Variants in RGS20 observed in about 807,000 individuals in gnomAD.
RGS20 encodes the protein regulator of G protein signaling 20.
Under a neutral mutation model 33.6 loss-of-function variants are expected in RGS20, and 30 were observed. The ratio of observed to expected loss-of-function variants is 0.89; its 90% confidence interval spans 0.67 to 1.21. RGS20 has a LOEUF of 1.21. RGS20 is among the 50% of genes most tolerant of loss of function. The pLI is 0.00. For synonymous variants in RGS20, 208 were observed against 197.9 expected, an observed-to-expected ratio of 1.05 and a Z score of -0.43; for missense variants, 472 against 502.4, an observed-to-expected ratio of 0.94 and a Z score of 0.58.
At chr8:53,862,252 T>C (rs966073598) in intron 1 of RGS20, among the ~76,000 whole-genome samples, 2 of 152,048 alleles carry the variant, frequency 1.3e-5, no homozygotes, top group Non-Finnish European at 2.9e-5. Context: ...CAAATTCAAA[T>C]GCACTTAGAT....
At chr8:53,917,633 G>A (rs1212690890) in intron 2 of RGS20, among the ~76,000 whole-genome samples, 2 of 152,194 alleles carry the variant, frequency 1.3e-5, no homozygotes, top group African/African-American at 4.8e-5. Flanking sequence ...GCCAGGCACA[G>A]TGTTTCATAC....
At chr8:53,923,906 A>T (rs1653169853) in intron 2 of RGS20, among the ~76,000 whole-genome samples, 1 of 152,066 alleles carries the variant, frequency 6.6e-6, no homozygotes, top group Admixed American at 6.6e-5. Flanking sequence ...TTTCTTCATT[A>T]TTATTTGAGC....
rs145110655 is a variant in RGS20 at position 53,852,984 on chromosome 8, C to T, written c.165+920C>T. Among the ~76,000 whole-genome samples, 699 of 151,980 alleles carry T rather than the reference C, an allele frequency of 4.6e-3. 10 individuals carry two copies. Among genetic ancestry groups the T allele is most frequent in the African/African-American group, 0.016 (645 of 41,464 alleles). ...ACAAAGCTTTTTCTGTAAAAATATA[C>T]GGACCTGTTCTTTTGAGCTTTCAGA... On this transcript the variant is annotated intron_variant, in intron 1 of 5. Transcript: ENST00000297313.
intron 4 of RGS20, among the ~76,000 whole-genome samples, chr8:53,947,664 ATATAGGATATAG>A (rs1202352576): frequency 1.1e-5 from 1 of 92,842 alleles, no homozygotes; most frequent in Non-Finnish European, 2.0e-5. Flanking sequence ...TATATGCTAT[ATATAGGATATAG>A]TACATACATT....
intron 2 of RGS20, among the ~76,000 whole-genome samples, chr8:53,908,216 A>T (rs1288816618): frequency 6.6e-6 from 1 of 152,220 alleles, no homozygotes; most frequent in Non-Finnish European, 1.5e-5. Context: ...CAAAAAATAA[A>T]GGCAGGCACA....
intron 2 of RGS20, among the ~76,000 whole-genome samples, chr8:53,923,424 G>A (rs1361399207): frequency 6.6e-6 from 1 of 151,978 alleles, no homozygotes. Flanking sequence ...CTGAGACCCC[G>A]TCTTTACAAA....
At chr8:53,894,518 T>C (rs758229340) in intron 2 of RGS20, among the ~76,000 whole-genome samples, 2 of 152,144 alleles carry the variant, frequency 1.3e-5, no homozygotes, top group Non-Finnish European at 2.9e-5. Flanking sequence ...ATTAGCCCAC[T>C]CGAATCAACA....
chr8:53,911,071 A>G (rs539837989), intron 2 of RGS20, among the ~76,000 whole-genome samples: 1 of 152,344 alleles, frequency 6.6e-6, no homozygotes, highest in South Asian at 2.1e-4. Context: ...GAGGTGAACT[A>G]TTAGATCTGA....
At chr8:53,927,349 G>A (rs1027280343) in intron 2 of RGS20, among the ~76,000 whole-genome samples, 6 of 151,714 alleles carry the variant, frequency 4.0e-5, no homozygotes, top group African/African-American at 9.7e-5. Context: ...GACTACAGGC[G>A]CGCGCCACCA....
Position 53,923,935 on chromosome 8 carries a change from CA to C in RGS20, c.511-15640del, listed in dbSNP as rs569539920. 3.6e-3 allele frequency among the ~76,000 whole-genome samples: 548 copies of C among 151,886 alleles called. 5 individuals carry two copies. The highest frequency in any genetic ancestry group is 7.5e-3 in the South Asian group (36 of 4,818). On this transcript the variant is annotated intron_variant, in intron 2 of 5. Coordinates refer to ENST00000297313, the MANE Select transcript of RGS20 (RefSeq NM_170587.4). ...TTTGAGCATCGCAACTTTTATTTTT[CA>C]TTTTCTTCTGCAACATTAAATTCAT...
chr8:53,883,381 C>T (rs1812451802), intron 2 of RGS20, among the ~76,000 whole-genome samples: 1 of 151,924 alleles, frequency 6.6e-6, no homozygotes, highest in South Asian at 2.1e-4. Context: ...TCAGGCTGGT[C>T]TTGAACTCCC....
intron 3 of RGS20, among the ~76,000 whole-genome samples, chr8:53,943,972 T>A (rs1231817202): frequency 6.6e-6 from 1 of 150,942 alleles, no homozygotes; most frequent in Non-Finnish European, 1.5e-5. Context: ...TTCTAATGAT[T>A]TTGCCTTTAA....
chr8:53,958,146 A>G (rs1211256298), intron 5 of RGS20, 124 bp from the exon 5 acceptor site: 2 of 688,312 alleles, frequency 2.9e-6, no homozygotes, highest in Non-Finnish European at 4.6e-6. Context: ...AAAACAAAAC[A>G]AACAACAAAA....
intron 2 of RGS20, among the ~76,000 whole-genome samples, chr8:53,897,919 G>T (rs1812912512): frequency 6.6e-6 from 1 of 152,226 alleles, no homozygotes; most frequent in Admixed American, 6.5e-5. Flanking sequence ...ATTATACAGA[G>T]CGGCTGATAG....
At chr8:53,887,972 C>T (rs1350014842) in intron 2 of RGS20, among the ~76,000 whole-genome samples, 2 of 150,466 alleles carry the variant, frequency 1.3e-5, no homozygotes, top group Non-Finnish European at 2.9e-5. Context: ...GAGTGAGACC[C>T]TGACTTAAAA....
intron 1 of RGS20, among the ~76,000 whole-genome samples, chr8:53,856,467 C>T (rs970641434): frequency 7.9e-5 from 12 of 152,138 alleles, no homozygotes; most frequent in African/African-American, 2.7e-4. Context: ...GATCCACCTG[C>T]CTTGGCCTCC....
chr8:53,886,097 TGTCA>T (rs976839117), intron 2 of RGS20, among the ~76,000 whole-genome samples: 1 of 152,194 alleles, frequency 6.6e-6, no homozygotes, highest in Non-Finnish European at 1.5e-5. Context: ...ACAAGTACAG[TGTCA>T]GTCAGCAACT....
At chr8:53,861,026 G>A (rs1364550328) in intron 1 of RGS20, among the ~76,000 whole-genome samples, 1 of 151,966 alleles carries the variant, frequency 6.6e-6, no homozygotes, top group South Asian at 2.1e-4. Context: ...ACAATCTTAA[G>A]GGGTTGTCCA....
At chr8:53,875,443 A>C (rs1289816260) in intron 1 of RGS20, among the ~76,000 whole-genome samples, 1 of 149,102 alleles carries the variant, frequency 6.7e-6, no homozygotes, top group Non-Finnish European at 1.5e-5. Flanking sequence ...AAAAAAAAAA[A>C]AAAAAAACCA....
Sources: allele counts gnomAD v4.1 joint callset (sites outside exome capture counted in the v4.1 genomes callset), GRCh38; gene constraint gnomAD v4.1.1; transcripts MANE v1.5; gene names NCBI Gene and HGNC (gene_info 2026-07-23, HGNC 2026-07-21).